RUBCN: variants seen among roughly 807,000 people sequenced by gnomAD.
RUBCN encodes the protein run domain Beclin-1-interacting and cysteine-rich domain-containing protein.
A neutral mutation model predicts 113.2 loss-of-function variants in RUBCN; 74 were observed. That is an observed-to-expected ratio of 0.65 (90% CI 0.54 to 0.79). The LOEUF (loss-of-function observed/expected upper bound fraction) is 0.79. Ranked by LOEUF, RUBCN falls within the 30% of genes least tolerant of loss-of-function variation. The probability of loss-of-function intolerance (pLI) is 0.00; values close to 1 mark genes in which losing one functional copy is unlikely to be tolerated. For missense variants in RUBCN, 1,109 were observed against 1,251.7 expected (o/e 0.89, Z 1.72); for synonymous variants, 480 against 490.0 (o/e 0.98, Z 0.27).
At chr3:197,720,231 A>AC (rs915747960) in intron 1 of RUBCN, among the ~76,000 whole-genome samples, 1 of 152,152 alleles carries the variant, frequency 6.6e-6, no homozygotes, top group Non-Finnish European at 1.5e-5. Context: ...CTCCATGAGA[A>AC]CAACTTTTTA....
chr3:197,713,950 G>GC (rs1457126903), intron 2 of RUBCN, among the ~76,000 whole-genome samples: 2 of 151,760 alleles, frequency 1.3e-5, no homozygotes, highest in South Asian at 2.1e-4. Flanking sequence ...GGTGGCGGGC[G>GC]CTGTAGTCCC....
At position 197,675,432 on chromosome 3, in the gene RUBCN, C is replaced by G; in HGVS notation, c.2730G>C (p.Arg910=). 3.7e-6 allele frequency: 6 copies of G among 1,613,652 alleles called. No individual in the cohort carries two copies. The highest frequency in any genetic ancestry group is 5.1e-6 in the Non-Finnish European group (6 of 1,179,764). The change falls in exon 19 of 20, where the codon CGG becomes CGC. Residue 910 remains arginine, a synonymous_variant. Coordinates refer to ENST00000296343, the MANE Select transcript of RUBCN (RefSeq NM_014687.4). The surrounding 1 kb of genome is among the most constrained non-coding windows in gnomAD (Gnocchi z 4.4). The part of the protein sequence containing the change: ...IIFPFELHKC[R]TCEECKACYH... ...TGCACCTGCCCTCACCTTCACAGGTCCGGCACTTATGGAGCTCAAAGGGAA... is the reference window on the plus strand; with the variant it reads ...TGCACCTGCCCTCACCTTCACAGGTGCGGCACTTATGGAGCTCAAAGGGAA...
At chr3:197,678,146 T>TG (rs1263533826) in intron 16 of RUBCN, among the ~76,000 whole-genome samples, 2 of 133,804 alleles carry the variant, frequency 1.5e-5, no homozygotes, top group Non-Finnish European at 3.0e-5. Context: ...GGCTTCAGAC[T>TG]GTCCCACACT....
chr3:197,687,422 C>T (rs1368322397), intron 11 of RUBCN, among the ~76,000 whole-genome samples: 3 of 152,232 alleles, frequency 2.0e-5, no homozygotes, highest in African/African-American at 4.8e-5. Flanking sequence ...TCTTTCAACT[C>T]CAAATCTGCC....
rs1327682392 is a variant in RUBCN at position 197,701,733 on chromosome 3, G to C, written c.702C>G (p.His234Gln). The change falls in exon 6 of 20, where the codon CAC becomes CAG. Residue 234 changes from histidine (H) to glutamine (Q), a missense_variant. His to Gln is a conservative substitution (Grantham distance 24). Around this residue, in one of 3 missense-constraint regions of RUBCN, gnomAD observed 736 missense variants for 779.6 expected, o/e 0.94. Transcript: ENST00000296343. ...CTGAGCCATTGTTGGGCACGGATTG[G>C]TGGAGGCTAGAGAAGGACCCAAAGT... ...HSYFGSFSSLHQSVPNNGSER... is the reference protein window; with the variant it reads ...HSYFGSFSSLQQSVPNNGSER... 1 of 1,614,146 alleles carries C rather than the reference G, an allele frequency of 6.2e-7. No individual in the cohort carries two copies. The highest frequency in any genetic ancestry group is 1.1e-5 in the South Asian group (1 of 91,078).
intron 18 of RUBCN, chr3:197,676,070 G>A (rs1720370999): frequency 4.4e-6 from 2 of 451,772 alleles, no homozygotes; most frequent in African/African-American, 2.1e-5. Flanking sequence ...AACATGTTGA[G>A]TAGATGACGA....
chr3:197,749,364 G>A, exon 1 of RUBCN: 1 of 1,172,492 alleles, frequency 8.5e-7, no homozygotes, highest in Non-Finnish European at 1.1e-6. Context: ...CACGGGAAAC[G>A]TTAGCATTTA....
chr3:197,677,598 G>C (rs1395977433), intron 16 of RUBCN, 57 bp from the exon 17 acceptor site: 2 of 1,534,602 alleles, frequency 1.3e-6, no homozygotes, highest in Non-Finnish European at 1.8e-6. Context: ...GAGGAATCCA[G>C]TGTGGGAAGC....
chr3:197,696,554 T>C (rs1723022851), intron 8 of RUBCN, among the ~76,000 whole-genome samples: 1 of 152,100 alleles, frequency 6.6e-6, no homozygotes, highest in East Asian at 1.9e-4. Context: ...ATGTAGAACT[T>C]TGGGCTGGGA....
intron 6 of RUBCN, 80 bp from the exon 7 acceptor site, chr3:197,701,226 G>T: frequency 8.0e-7 from 1 of 1,249,208 alleles, no homozygotes; most frequent in Non-Finnish European, 1.1e-6. Context: ...GGGTGACCAG[G>T]ACATACGATG....
At chr3:197,730,129 T>C (rs1430361910) in intron 1 of RUBCN, among the ~76,000 whole-genome samples, 1 of 152,202 alleles carries the variant, frequency 6.6e-6, no homozygotes, top group African/African-American at 2.4e-5. Flanking sequence ...GGGTCTACAG[T>C]GAATAAACTT....
intron 1 of RUBCN, among the ~76,000 whole-genome samples, chr3:197,722,923 ACTGT>A (rs1243808344): frequency 6.6e-6 from 1 of 152,168 alleles, no homozygotes; most frequent in Non-Finnish European, 1.5e-5. Flanking sequence ...TCATTGAGTC[ACTGT>A]CTTTTATTTG....
In RUBCN at chr3:197,701,817, G is replaced by A. The variant is rs778297263; in HGVS notation, c.618C>T (p.Ser206=). The A allele has an allele frequency of 2.0e-5, 33 of 1,614,060 alleles. No homozygotes were observed. The South Asian group carries it at 2.1e-4, about 10-fold the overall frequency. The change falls in exon 6 of 20, where the codon AGC becomes AGT. Residue 206 remains serine, a synonymous_variant. Transcript: ENST00000296343. The part of the protein sequence containing the change: ...ESPLLVTKSQ[S]LTALPSSTYT... ...ATGTGGAACTGGGCAGGGCTGTCAG[G>A]CTCTGGCTCTTTGTCACCAGGAGCG...
intron 2 of RUBCN, among the ~76,000 whole-genome samples, chr3:197,714,199 C>T (rs934507017): frequency 3.3e-5 from 5 of 152,188 alleles, no homozygotes; most frequent in Non-Finnish European, 7.3e-5. Context: ...TTAACTGCTA[C>T]GTCACTTTAT....
intron 1 of RUBCN, chr3:197,749,257 A>C: frequency 9.6e-7 from 1 of 1,039,974 alleles, no homozygotes; most frequent in Non-Finnish European, 1.2e-6. Flanking sequence ...CTACATCAAC[A>C]GAGGTACTTA....
Position 197,675,327 on chromosome 3 carries a change from G to C in RUBCN, c.2740+95C>G, listed in dbSNP as rs1326632106. 2 of 1,489,752 alleles carry C rather than the reference G, an allele frequency of 1.3e-6. No homozygotes were observed. The highest frequency in any genetic ancestry group is 9.4e-7 in the Non-Finnish European group (1 of 1,069,398). 92.3% of individuals were successfully genotyped at this position (1,489,752 alleles called of 1,614,324 possible). On this transcript the variant is annotated intron_variant, in intron 19 of 19. Transcript: ENST00000296343. This position sits in a 1 kb window ranked among gnomAD's most constrained non-coding sequence, Gnocchi z 4.4. ...CCCTGGGGAGGCCCCGCGAGGTGCTGAGTGGCACCGAACTCTTGCTAACAG... is the reference window on the plus strand; with the variant it reads ...CCCTGGGGAGGCCCCGCGAGGTGCTCAGTGGCACCGAACTCTTGCTAACAG...
At position 197,727,724 on chromosome 3, in the gene RUBCN, A is replaced by C. The variant is rs547287725; in HGVS notation, c.65+8931T>G. On this transcript the variant is annotated intron_variant, in intron 1 of 19. Transcript: ENST00000296343. ...TATGACTTTTATATGGTAAAGACTT[A>C]AATCTGCTTGACGGAATGGAAGAAA... Among the ~76,000 whole-genome samples, 5 of 152,350 alleles carry C rather than the reference A, an allele frequency of 3.3e-5. No homozygotes were observed. The South Asian group carries it at 1.0e-3, about 32-fold the overall frequency.
chr3:197,735,314 G>A (rs569335926), intron 1 of RUBCN, among the ~76,000 whole-genome samples: 1 of 152,212 alleles, frequency 6.6e-6, no homozygotes, highest in Non-Finnish European at 1.5e-5. Context: ...TAGTATAATC[G>A]CTTGAGCCCA....
At chr3:197,738,639 G>A (rs1192328098), upstream of RUBCN, among the ~76,000 whole-genome samples, 3 of 152,218 alleles carry the variant, frequency 2.0e-5, no homozygotes. Flanking sequence ...AGGCTGGGGT[G>A]CAGTAGCGCT....
Sources: gnomAD v4.1 joint callset for allele counts (sites outside exome capture counted in the v4.1 genomes callset) on GRCh38, gnomAD v4.1.1 for gene constraint, gnomAD v4.1.1 regional missense constraint, Gnocchi (gnomAD v3.1) non-coding constraint, MANE v1.5 for transcripts, NCBI Gene and HGNC (gene_info 2026-07-23, HGNC 2026-07-21) for gene names.